The following CNIH3 variants were observed in gnomAD, a reference collection of about 807,000 sequenced individuals.
The protein encoded by CNIH3 is protein cornichon homolog 3.
Under a neutral mutation model 24.1 loss-of-function variants are expected in CNIH3, and 14 were observed. That is an observed-to-expected ratio of 0.58 (90% CI 0.38 to 0.91). CNIH3 has a LOEUF of 0.91. Ranked by LOEUF, CNIH3 falls within the 40% of genes least tolerant of loss-of-function variation. The pLI is 0.00. For missense variants in CNIH3, 178 were observed against 196.8 expected (o/e 0.90, Z 0.57); for synonymous variants, 68 against 73.8 (o/e 0.92, Z 0.40).
chr1:224,534,019 G>A (rs1220185121), intron 2 of CNIH3, among the ~76,000 whole-genome samples: 1 of 152,144 alleles, frequency 6.6e-6, no homozygotes. Flanking sequence ...ACAAAAATTA[G>A]GTGGGCATGG....
chr1:224,664,189 G>A (rs957756529), intron 1 of CNIH3, among the ~76,000 whole-genome samples: 80 of 152,308 alleles, frequency 5.3e-4, no homozygotes, highest in African/African-American at 1.9e-3. Context: ...CAATCATGAT[G>A]GATGAGGGAT....
intron 1 of CNIH3, among the ~76,000 whole-genome samples, chr1:224,648,022 G>A (rs1684695578): frequency 6.6e-6 from 1 of 152,194 alleles, no homozygotes; most frequent in Admixed American, 6.5e-5. Flanking sequence ...AGGTTCTGGA[G>A]GAACCTGGGA....
intron 1 of CNIH3, chr1:224,434,913 C>G (rs1409313860): frequency 1.0e-6 from 1 of 985,918 alleles, no homozygotes; most frequent in Non-Finnish European, 1.2e-6. Context: ...CGGGGGCTGT[C>G]CCGGGGGTCA....
intron 3 of CNIH3, among the ~76,000 whole-genome samples, chr1:224,605,986 G>C (rs780900712): frequency 1.3e-5 from 2 of 152,148 alleles, no homozygotes; most frequent in Non-Finnish European, 2.9e-5. Context: ...ATTCACAAAG[G>C]GGGTGACTCG....
chr1:224,536,007 G>A (rs910380209), intron 2 of CNIH3, among the ~76,000 whole-genome samples: 2 of 152,184 alleles, frequency 1.3e-5, no homozygotes, highest in African/African-American at 2.4e-5. Context: ...AAGCTGGAGG[G>A]TAAAGGAACC....
At chr1:224,553,469 A>G (rs1680009676) in intron 3 of CNIH3, among the ~76,000 whole-genome samples, 6 of 152,122 alleles carry the variant, frequency 3.9e-5, no homozygotes, top group Non-Finnish European at 8.8e-5. Flanking sequence ...TCTCACTGGG[A>G]GACCTCTGGT....
intron 3 of CNIH3, among the ~76,000 whole-genome samples, chr1:224,690,946 C>A (rs960487698): frequency 1.3e-5 from 2 of 152,186 alleles, no homozygotes; most frequent in African/African-American, 2.4e-5. Flanking sequence ...ACAGCTCTGT[C>A]TTACGGAGGA....
In CNIH3 at chr1:224,616,937, C is replaced by T; in HGVS notation, c.-238C>T. 2 of 1,363,270 alleles carry T rather than the reference C, an allele frequency of 1.5e-6. No homozygotes were observed. Among genetic ancestry groups the T allele is most frequent in the South Asian group, 2.0e-5 (1 of 49,532 alleles). 84.4% of individuals were successfully genotyped at this position (1,363,270 alleles called of 1,614,324 possible). On this transcript the variant is annotated 5_prime_UTR_variant, in exon 1 of 6. Coordinates refer to ENST00000272133, the MANE Select transcript of CNIH3 (RefSeq NM_152495.2). ...TTGCGGACGGTTCCCTCCAGCGACT[C>T]TCGACACACGTTTTCCTGTCTTCGC...
chr1:224,442,218 C>T (rs886594733), intron 1 of CNIH3, among the ~76,000 whole-genome samples: 1 of 151,906 alleles, frequency 6.6e-6, no homozygotes, highest in Non-Finnish European at 1.5e-5. Context: ...CCCATGTTGC[C>T]CAGGCTGGTC....
rs191814735 is a variant in CNIH3 at position 224,472,896 on chromosome 1, G to A, written n.203+38034G>A. Among the ~76,000 whole-genome samples, 1,008 of 152,286 alleles carry A rather than the reference G, an allele frequency of 6.6e-3. 8 individuals are homozygous for A. The highest frequency in any genetic ancestry group is 0.01 in the Non-Finnish European group (707 of 68,028). ...TATATTTATAATGGGTATCTCAGAT[G>A]ATTCTCATGAATAAGTCATCCTGAT... On this transcript the variant is annotated intron_variant and non_coding_transcript_variant, in intron 1 of 5. Transcript: ENST00000471578.
intron 3 of CNIH3, among the ~76,000 whole-genome samples, chr1:224,686,365 C>T (rs1050430547): frequency 1.3e-5 from 2 of 152,108 alleles, no homozygotes; most frequent in Non-Finnish European, 2.9e-5. Flanking sequence ...CATAGTATTC[C>T]ATGGTGTATA....
intron 1 of CNIH3, chr1:224,459,173 C>T (rs1675801907): frequency 3.2e-6 from 3 of 924,470 alleles, no homozygotes; most frequent in African/African-American, 1.9e-5. Flanking sequence ...TTGCCTTCCC[C>T]TCTTTCTTCC....
At chr1:224,666,449 T>G (rs748663445) in intron 1 of CNIH3, among the ~76,000 whole-genome samples, 19 of 152,342 alleles carry the variant, frequency 1.2e-4, no homozygotes, top group Non-Finnish European at 2.1e-4. Flanking sequence ...GCTCTTAAAA[T>G]TTCCCAAAGT....
intron 3 of CNIH3, among the ~76,000 whole-genome samples, chr1:224,708,525 G>A (rs1386387431): frequency 2.6e-5 from 4 of 152,076 alleles, no homozygotes; most frequent in Non-Finnish European, 5.9e-5. Context: ...TGACTCCTAC[G>A]CATCTCAGAA....
At chr1:224,590,615 A>C (rs887798317), downstream of CNIH3, among the ~76,000 whole-genome samples, 4 of 152,212 alleles carry the variant, frequency 2.6e-5, no homozygotes, top group Non-Finnish European at 4.4e-5. Flanking sequence ...CCAAACTTGC[A>C]GTCTTAAGCC....
intron 1 of CNIH3, among the ~76,000 whole-genome samples, chr1:224,462,385 G>A (rs1264424860): frequency 1.3e-5 from 2 of 152,168 alleles, no homozygotes; most frequent in Non-Finnish European, 2.9e-5. Context: ...CCAGGTTGGA[G>A]TGCAGTGGCC....
chr1:224,434,832 T>TTTAG (rs1171787410), exon 1 of CNIH3: 1 of 985,858 alleles, frequency 1.0e-6, no homozygotes, highest in African/African-American at 1.7e-5. Context: ...GAAATGCCTA[T>TTTAG]ACTGCCCTCC....
At chr1:224,566,216 A>G (rs1379038665) in exon 4 of CNIH3, 1 of 152,146 alleles carries the variant, frequency 6.6e-6, no homozygotes, top group East Asian at 1.9e-4. Context: ...CTGGTTATAA[A>G]GCAAAGCCAA....
At chr1:224,586,397 A>G (rs564738320) in intron 5 of CNIH3, among the ~76,000 whole-genome samples, 1 of 152,362 alleles carries the variant, frequency 6.6e-6, no homozygotes, top group African/African-American at 2.4e-5. Flanking sequence ...TAAAACCATC[A>G]GATCACATGA....
Sources: allele counts gnomAD v4.1 joint callset (sites outside exome capture counted in the v4.1 genomes callset), GRCh38; gene constraint gnomAD v4.1.1; transcripts MANE v1.5; gene names NCBI Gene and HGNC (gene_info 2026-07-23, HGNC 2026-07-21).